Variants in DLG2 observed in about 807,000 individuals in gnomAD.
DLG2 encodes disks large homolog 2.
In DLG2, 45 loss-of-function variants were observed where a neutral mutation model predicts 132.5. That is an observed-to-expected ratio of 0.34 (90% confidence interval 0.27 to 0.44). The LOEUF (loss-of-function observed/expected upper bound fraction) is 0.44. DLG2 is among the 20% of genes least tolerant of loss of function. The pLI is 1.00. For missense variants in DLG2, 1,045 were observed against 1,196.9 expected (o/e 0.87, Z 1.87); for synonymous variants, 424 against 419.6 (o/e 1.01, Z -0.13).
chr11:83,916,508 GTTTCACCATGTT>G (rs774953843), intron 15 of DLG2, among the ~76,000 whole-genome samples: 1 of 151,872 alleles, frequency 6.6e-6, no homozygotes, highest in Non-Finnish European at 1.5e-5. Flanking sequence ...TAGAGATGGG[GTTTCACCATGTT>G]GGCCAGGCTG....
At chr11:85,422,155 A>G (rs191419533) in intron 3 of DLG2, among the ~76,000 whole-genome samples, 1 of 152,330 alleles carries the variant, frequency 6.6e-6, no homozygotes, top group East Asian at 1.9e-4. Context: ...CCTGATAACA[A>G]TGTGCCTAGG....
chr11:84,156,021 A>G (rs569842386), intron 9 of DLG2, among the ~76,000 whole-genome samples: 23 of 152,342 alleles, frequency 1.5e-4, no homozygotes, highest in Non-Finnish European at 2.6e-4. Flanking sequence ...CAAATAATTA[A>G]TGGCTAAATT....
chr11:84,976,311 T>C (rs2054897332), intron 6 of DLG2, among the ~76,000 whole-genome samples: 1 of 152,104 alleles, frequency 6.6e-6, no homozygotes, highest in Non-Finnish European at 1.5e-5. Flanking sequence ...TTAATACCAA[T>C]TGAACTAATT....
At chr11:84,409,781 T>C (rs899740101) in intron 7 of DLG2, among the ~76,000 whole-genome samples, 1 of 152,188 alleles carries the variant, frequency 6.6e-6, no homozygotes, top group Admixed American at 6.5e-5. Context: ...TTTAGTGCAA[T>C]TATCTATTTT....
intron 6 of DLG2, among the ~76,000 whole-genome samples, chr11:84,855,430 A>G (rs185051416): frequency 7.2e-5 from 11 of 152,124 alleles, no homozygotes; most frequent in Non-Finnish European, 1.6e-4. Context: ...AACAGCAGAC[A>G]GGCATGAGAC....
intron 7 of DLG2, chr11:84,273,225 T>G (rs2097752796): frequency 1.3e-6 from 2 of 1,568,476 alleles, no homozygotes; most frequent in East Asian, 4.6e-5. Context: ...AGCTGATAAT[T>G]CTCAGCCCGA....
chr11:84,329,726 G>C lies in DLG2; in HGVS notation c.520-78435C>G, dbSNP rs150288172. ...ATCTCACTTTGGACAAGTCACAAGT[G>C]CTCATTTAAGGGCTGAGAACATTTT... is the stretch of plus-strand genomic sequence containing the variant. On this transcript the variant is annotated intron_variant, in intron 7 of 27. Coordinates refer to ENST00000376104, the MANE Select transcript of DLG2 (RefSeq NM_001142699.3). 3.8e-3 allele frequency among the ~76,000 whole-genome samples: 579 copies of C among 152,306 alleles called. 1 individual carries two copies. The highest frequency in any genetic ancestry group is 7.3e-3 in the Admixed American group (111 of 15,306).
intron 8 of DLG2, among the ~76,000 whole-genome samples, chr11:84,188,280 T>C (rs939631730): frequency 6.6e-6 from 1 of 152,168 alleles, no homozygotes. Context: ...AAAATCTGAA[T>C]TTTAGGAAAC....
At chr11:83,948,740 C>T (rs186835645) in intron 14 of DLG2, among the ~76,000 whole-genome samples, 1 of 152,186 alleles carries the variant, frequency 6.6e-6, no homozygotes, top group African/African-American at 2.4e-5. Context: ...ACCAGCTTTG[C>T]TCATTACTAG....
chr11:83,566,625 TAAAG>T (rs1393272061), intron 19 of DLG2, among the ~76,000 whole-genome samples: 3 of 151,954 alleles, frequency 2.0e-5, no homozygotes, highest in African/African-American at 4.8e-5. Flanking sequence ...ACAAAAGTGT[TAAAG>T]AAATAATTCT....
chr11:84,372,481 A>C (rs1407691167), intron 7 of DLG2, among the ~76,000 whole-genome samples: 1 of 152,172 alleles, frequency 6.6e-6, no homozygotes, highest in African/African-American at 2.4e-5. Flanking sequence ...CCTACAGCAA[A>C]TCCAAAATTA....
chr11:84,392,556 T>G (rs1264003342), intron 7 of DLG2, among the ~76,000 whole-genome samples: 5 of 152,220 alleles, frequency 3.3e-5, no homozygotes, highest in Admixed American at 3.3e-4. Flanking sequence ...AAATCCATTT[T>G]GGTCTATTCT....
chr11:85,375,020 A>T (rs991781057), intron 3 of DLG2, among the ~76,000 whole-genome samples: 1 of 151,968 alleles, frequency 6.6e-6, no homozygotes, highest in South Asian at 2.1e-4. Flanking sequence ...GCAAATATAA[A>T]CAACTATGTC....
chr11:83,629,730 T>C (rs1359052888), intron 19 of DLG2, among the ~76,000 whole-genome samples: 2 of 152,164 alleles, frequency 1.3e-5, no homozygotes, highest in Non-Finnish European at 1.5e-5. Flanking sequence ...GAGATCTTCA[T>C]GAGCTCATAA....
chr11:84,965,811 G>T (rs1036534987), intron 6 of DLG2, among the ~76,000 whole-genome samples: 1 of 151,910 alleles, frequency 6.6e-6, no homozygotes, highest in African/African-American at 2.4e-5. Flanking sequence ...GGAGATCGGC[G>T]CCTAAAAAAG....
intron 7 of DLG2, among the ~76,000 whole-genome samples, chr11:84,307,139 C>T (rs569633140): frequency 4.9e-4 from 74 of 152,106 alleles, no homozygotes; most frequent in Non-Finnish European, 7.6e-4. Flanking sequence ...AAAATGTGTA[C>T]ATTGATAACA....
rs138490367 is a variant in DLG2, at chr11:83,795,466, T to A, written c.1723-8674A>T. Among the ~76,000 whole-genome samples, 780 of 152,078 alleles carry A rather than the reference T, an allele frequency of 5.1e-3. 10 individuals carry two copies. The highest frequency in any genetic ancestry group is 0.018 in the African/African-American group (738 of 41,450). The stretch of plus-strand genomic sequence containing the variant: ...ATATATCTATATCTATATCTATCTA[T>A]TTGGGTAAGTTCCTTAATCATACAC... On this transcript the variant is annotated intron_variant, in intron 17 of 27. Coordinates refer to ENST00000376104, the MANE Select transcript of DLG2 (RefSeq NM_001142699.3).
At chr11:85,495,422 TAAAC>T (rs752821482) in intron 3 of DLG2, among the ~76,000 whole-genome samples, 1 of 151,990 alleles carries the variant, frequency 6.6e-6, no homozygotes, top group South Asian at 2.1e-4. Flanking sequence ...ACAAGGAACT[TAAAC>T]AAATTTAAAA....
chr11:85,278,452 T>G (rs1290989204), intron 4 of DLG2, among the ~76,000 whole-genome samples: 1 of 152,004 alleles, frequency 6.6e-6, no homozygotes, highest in Non-Finnish European at 1.5e-5. Flanking sequence ...AATACAAAAT[T>G]AGCTGGGCAT....
Sources: allele counts gnomAD v4.1 joint callset (sites outside exome capture counted in the v4.1 genomes callset), GRCh38; gene constraint gnomAD v4.1.1; transcripts MANE v1.5; gene names NCBI Gene and HGNC (gene_info 2026-07-23, HGNC 2026-07-21).